TSHZ3: variants seen among roughly 807,000 people sequenced by gnomAD.
The protein encoded by TSHZ3 is teashirt zinc finger homeobox 3.
In TSHZ3, 10 loss-of-function variants were observed where a neutral mutation model predicts 64.5. The ratio of observed to expected loss-of-function variants is 0.16; its 90% CI spans 0.10 to 0.26. The LOEUF (loss-of-function observed/expected upper bound fraction) is 0.26. TSHZ3 is among the 10% of genes least tolerant of loss of function. The pLI is 1.00. For missense variants in TSHZ3, 1,242 were observed against 1,421.7 expected (o/e 0.87, Z 2.03); for synonymous variants, 608 against 593.1 (o/e 1.03, Z -0.36).
chr19:31,289,649 G>T (rs1255964947), intron 1 of TSHZ3, among the ~76,000 whole-genome samples: 1 of 152,100 alleles, frequency 6.6e-6, no homozygotes, highest in African/African-American at 2.4e-5. Flanking sequence ...CACTCCCAGG[G>T]GTGGGGTTCG....
At chr19:31,237,202 A>G (rs1210240109) in intron 3 of TSHZ3, among the ~76,000 whole-genome samples, 1 of 152,198 alleles carries the variant, frequency 6.6e-6, no homozygotes. Flanking sequence ...AATTCTTTCA[A>G]TACATTGGAG....
At chr19:31,281,156 G>A (rs1275109076) in intron 1 of TSHZ3, among the ~76,000 whole-genome samples, 1 of 152,126 alleles carries the variant, frequency 6.6e-6, no homozygotes, top group Non-Finnish European at 1.5e-5. Flanking sequence ...AGGAAGGGAA[G>A]TTTTGTTTGT....
chr19:31,323,541 C>T (rs1916839210), intron 1 of TSHZ3, among the ~76,000 whole-genome samples: 1 of 151,590 alleles, frequency 6.6e-6, no homozygotes, highest in African/African-American at 2.4e-5. Flanking sequence ...TTTTGTTGTT[C>T]ACCTCTACAC....
intron 1 of TSHZ3, among the ~76,000 whole-genome samples, chr19:31,343,523 GT>G (rs1349873297): frequency 1.3e-5 from 2 of 152,152 alleles, no homozygotes; most frequent in Non-Finnish European, 2.9e-5. Flanking sequence ...TCAATATTTG[GT>G]CAAGGACACT....
chr19:31,333,968 A>C (rs1917170110), intron 1 of TSHZ3, among the ~76,000 whole-genome samples: 1 of 152,116 alleles, frequency 6.6e-6, no homozygotes, highest in Non-Finnish European at 1.5e-5. Flanking sequence ...GTTTCCAAAT[A>C]ATACCTTGCT....
intron 4 of TSHZ3, among the ~76,000 whole-genome samples, chr19:31,226,125 TAAA>T (rs113116968): frequency 7.4e-6 from 1 of 134,608 alleles, no homozygotes; most frequent in Non-Finnish European, 1.6e-5. Context: ...GACTCCATCT[TAAA>T]AAAAAAAAAA....
intron 1 of TSHZ3, among the ~76,000 whole-genome samples, chr19:31,309,251 C>G (rs1350218194): frequency 6.6e-6 from 1 of 152,158 alleles, no homozygotes; most frequent in Non-Finnish European, 1.5e-5. Flanking sequence ...GGCTAACCCA[C>G]CAGGGTGCGT....
intron 1 of TSHZ3, among the ~76,000 whole-genome samples, chr19:31,300,587 T>C (rs186540407): frequency 4.0e-4 from 61 of 152,290 alleles, no homozygotes; most frequent in Non-Finnish European, 7.8e-4. Flanking sequence ...GGTCCAGGCC[T>C]CTCTAACGAT....
At position 31,277,710 on chromosome 19, in the gene TSHZ3, C is replaced by T. The variant is rs750790142; in HGVS notation, c.2083G>A (p.Val695Met). Residue 695 changes from valine to methionine, a missense_variant, in exon 2 of 2, where the codon GTG becomes ATG. Physicochemically the swap from Val to Met is conservative, Grantham distance 21. This residue lies in a region of TSHZ3 where 550 missense variants were observed against 545.1 expected (regional missense o/e 1.01). Coordinates refer to ENST00000240587, the MANE Select transcript of TSHZ3 (RefSeq NM_020856.4). This position sits in a 1 kb window ranked among gnomAD's most constrained non-coding sequence, Gnocchi z 4.5. ...AEPVENGKEL[V>M]KPLASSLSGS... is the part of the protein sequence containing the mutation. ...CTCAAACTGCTGGCTAGGGGCTTCA[C>T]CAGCTCCTTGCCATTCTCCACCGGC... 3.3e-6 allele frequency: 5 copies of T among 1,524,786 alleles called. No homozygotes were observed. The African/African-American group carries it at 6.9e-5, about 21-fold the overall frequency. The allele number at this position is 1,524,786 out of a possible 1,614,324, so 94.5% of individuals were successfully genotyped here.
rs1171631631 is a variant in TSHZ3, at chr19:31,277,334, G to T, written c.2459C>A (p.Ser820Tyr). Reference sequence around the variant, plus strand: ...AGATGTCTTTGCCGTTGTCACCGTGGATGAGGAGGTTGCCGGGGCTGTGGA... The same window carrying T: ...AGATGTCTTTGCCGTTGTCACCGTGTATGAGGAGGTTGCCGGGGCTGTGGA... ...PTSTAPATSS[S>Y]TVTTAKTSAV... is the part of the protein sequence containing the mutation. The change falls in exon 2 of 2, where the codon TCC becomes TAC. Residue 820 changes from serine to tyrosine, a missense_variant. Physicochemically the swap from Ser to Tyr is moderately radical, Grantham distance 144. Transcript: ENST00000240587. This position sits in a 1 kb window ranked among gnomAD's most constrained non-coding sequence, Gnocchi z 4.5. The T allele has an allele frequency of 6.2e-7, 1 of 1,613,844 alleles. No homozygotes were observed. The highest frequency in any genetic ancestry group is 1.1e-5 in the South Asian group (1 of 91,072).
At chr19:31,223,012 T>C (rs73927314) in intron 4 of TSHZ3, among the ~76,000 whole-genome samples, 2,060 of 152,240 alleles carry the variant, frequency 0.014, 52 homozygotes, top group African/African-American at 0.047. Context: ...ACAATTCCCT[T>C]GACTCAAGAT....
intron 1 of TSHZ3, among the ~76,000 whole-genome samples, chr19:31,334,024 C>T (rs184405898): frequency 7.2e-5 from 11 of 152,270 alleles, no homozygotes; most frequent in African/African-American, 1.2e-4. Flanking sequence ...CTCCAAGACC[C>T]AATTTGAACA....
chr19:31,340,831 C>T (rs1755667268), intron 1 of TSHZ3, among the ~76,000 whole-genome samples: 1 of 152,212 alleles, frequency 6.6e-6, no homozygotes, highest in Admixed American at 6.5e-5. Context: ...AGGAGGCAGG[C>T]CCCGCTTTCC....
At chr19:31,225,265 A>G (rs1975444750) in intron 4 of TSHZ3, among the ~76,000 whole-genome samples, 1 of 152,126 alleles carries the variant, frequency 6.6e-6, no homozygotes, top group African/African-American at 2.4e-5. Context: ...GACGGTGGAG[A>G]TGTGACAATC....
chr19:31,255,311 G>T (rs566604076), intron 1 of TSHZ3, among the ~76,000 whole-genome samples: 4 of 152,116 alleles, frequency 2.6e-5, no homozygotes, highest in Admixed American at 1.3e-4. Context: ...ACAGTAAGCT[G>T]CTCTGAAACC....
At chr19:31,203,244 G>T (rs954820039) in intron 5 of TSHZ3, among the ~76,000 whole-genome samples, 2 of 152,134 alleles carry the variant, frequency 1.3e-5, no homozygotes, top group African/African-American at 4.8e-5. Context: ...CCCTGAGAAG[G>T]AGGCACAATT....
intron 5 of TSHZ3, among the ~76,000 whole-genome samples, chr19:31,188,254 C>T (rs940810615): frequency 2.0e-5 from 3 of 151,620 alleles, no homozygotes; most frequent in Non-Finnish European, 3.0e-5. Flanking sequence ...TTGCTAAATT[C>T]ACTTATTTCT....
intron 3 of TSHZ3, among the ~76,000 whole-genome samples, chr19:31,235,795 C>T (rs1018631576): frequency 8.0e-5 from 12 of 149,174 alleles, no homozygotes; most frequent in Non-Finnish European, 1.3e-4. Context: ...ACTGCAACCA[C>T]GGCCTCCTGG....
chr19:31,218,401 C>A (rs1023714127), intron 4 of TSHZ3, among the ~76,000 whole-genome samples: 2 of 152,178 alleles, frequency 1.3e-5, no homozygotes, highest in African/African-American at 2.4e-5. Context: ...ACTGACAACA[C>A]TAAATGCTGG....
Sources: allele counts gnomAD v4.1 joint callset (sites outside exome capture counted in the v4.1 genomes callset), GRCh38; gene constraint gnomAD v4.1.1; regional missense constraint gnomAD v4.1.1; non-coding constraint Gnocchi (gnomAD v3.1); transcripts MANE v1.5; gene names NCBI Gene and HGNC (gene_info 2026-07-23, HGNC 2026-07-21).